AGBL1: variants seen among roughly 807,000 people sequenced by gnomAD.
The protein encoded by AGBL1 is cytosolic carboxypeptidase 4.
A neutral mutation model predicts 118.9 loss-of-function variants in AGBL1; 130 were observed. The observed-to-expected ratio is 1.09, with a 90% CI of 0.95 to 1.26. The LOEUF is 1.26. Ranked by LOEUF, AGBL1 falls within the 50% of genes most tolerant of loss-of-function variation. The probability of loss-of-function intolerance (pLI) is 0.00; values close to 1 mark genes in which losing one functional copy is unlikely to be tolerated. For missense variants in AGBL1, 1,584 were observed against 1,298.1 expected (o/e 1.22, Z -3.38); for synonymous variants, 555 against 478.9 (o/e 1.16, Z -2.08).
Position 86,449,670 on chromosome 15 carries a change from T to C in AGBL1, c.2555+52124T>C, listed in dbSNP as rs190967924. 2.0e-5 allele frequency among the ~76,000 whole-genome samples: 3 copies of C among 152,300 alleles called. No individual in the cohort carries two copies. The East Asian group carries it at 5.8e-4, about 29-fold the overall frequency. On this transcript the variant is annotated intron_variant, in intron 18 of 22. Transcript: ENST00000614907. ...TGTCTGGTACAGTGCTCAGCATATGTCTATTAAGAGTGTGGAGAAGGTAGG... is the reference window on the plus strand; with the variant it reads ...TGTCTGGTACAGTGCTCAGCATATGCCTATTAAGAGTGTGGAGAAGGTAGG...
chr15:86,304,584 A>C (rs1439998812), intron 17 of AGBL1, among the ~76,000 whole-genome samples: 2 of 152,178 alleles, frequency 1.3e-5, no homozygotes, highest in African/African-American at 4.8e-5. Context: ...AGACATGTTT[A>C]TTCAACAAGT....
At chr15:86,237,943 T>C (rs1325555936) in intron 6 of AGBL1, among the ~76,000 whole-genome samples, 1 of 152,206 alleles carries the variant, frequency 6.6e-6, no homozygotes, top group African/African-American at 2.4e-5. Context: ...TTTCATTATT[T>C]GTACTTACCA....
intron 18 of AGBL1, among the ~76,000 whole-genome samples, chr15:86,442,691 TA>T (rs940761697): frequency 1.3e-5 from 2 of 152,058 alleles, no homozygotes; most frequent in African/African-American, 4.8e-5. Flanking sequence ...GAGAGAGAAG[TA>T]AAAAGCCACC....
At chr15:86,980,800 TATG>T (rs1377434692) in intron 23 of AGBL1, among the ~76,000 whole-genome samples, 1 of 152,126 alleles carries the variant, frequency 6.6e-6, no homozygotes, top group Non-Finnish European at 1.5e-5. Flanking sequence ...TAAAACCACT[TATG>T]ATTATATGAA....
chr15:86,986,690 G>T (rs1343151066), intron 23 of AGBL1, among the ~76,000 whole-genome samples: 1 of 152,134 alleles, frequency 6.6e-6, no homozygotes, highest in Non-Finnish European at 1.5e-5. Flanking sequence ...GATGAACATT[G>T]TACATCTCTT....
chr15:86,924,028 G>A (rs1026534257), intron 23 of AGBL1, among the ~76,000 whole-genome samples: 9 of 152,102 alleles, frequency 5.9e-5, no homozygotes, highest in African/African-American at 1.4e-4. Context: ...CCATAAATAC[G>A]TGTCAATTAT....
At chr15:86,968,000 A>C (rs999558822) in intron 23 of AGBL1, among the ~76,000 whole-genome samples, 4 of 152,030 alleles carry the variant, frequency 2.6e-5, no homozygotes, top group African/African-American at 9.6e-5. Context: ...CTTTGATTTC[A>C]TTGAGCAGTG....
chr15:86,890,757 T>C (rs1464822056), intron 22 of AGBL1, among the ~76,000 whole-genome samples: 1 of 152,222 alleles, frequency 6.6e-6, no homozygotes, highest in Non-Finnish European at 1.5e-5. Context: ...TGTGTCTGTT[T>C]TGGTACCAGT....
intron 22 of AGBL1, among the ~76,000 whole-genome samples, chr15:86,776,751 TGTGTGTGTG>T (rs2078261312): frequency 5.1e-5 from 2 of 39,156 alleles, no homozygotes; most frequent in Non-Finnish European, 3.9e-5. Context: ...TATATATATA[TGTGTGTGTG>T]TGTGTGTGTG....
At chr15:86,635,699 A>G (rs1446051461) in intron 21 of AGBL1, among the ~76,000 whole-genome samples, 1 of 152,134 alleles carries the variant, frequency 6.6e-6, no homozygotes, top group Admixed American at 6.5e-5. Context: ...GAAAAAGATT[A>G]CATATTACAA....
intron 1 of AGBL1, chr15:86,116,592 G>A (rs2141563086): frequency 6.6e-6 from 1 of 152,426 alleles, no homozygotes; most frequent in South Asian, 2.1e-4. Flanking sequence ...CTCTCTTCTT[G>A]AGCTGGGACA....
chr15:86,537,291 C>G (rs1046759088), intron 19 of AGBL1, among the ~76,000 whole-genome samples: 4 of 152,228 alleles, frequency 2.6e-5, no homozygotes, highest in Admixed American at 6.5e-5. Flanking sequence ...ACCATCTGCT[C>G]TGATTGGGCT....
chr15:86,959,921 T>A (rs1277080078), intron 23 of AGBL1, among the ~76,000 whole-genome samples: 1 of 152,128 alleles, frequency 6.6e-6, no homozygotes, highest in African/African-American at 2.4e-5. Flanking sequence ...ATTGCTCTGT[T>A]CATTTGTCTT....
intron 18 of AGBL1, among the ~76,000 whole-genome samples, chr15:86,445,897 C>A (rs1380819040): frequency 2.6e-5 from 4 of 152,150 alleles, no homozygotes; most frequent in Non-Finnish European, 5.9e-5. Flanking sequence ...ATGGGAAAGG[C>A]CCTGTTAGCA....
intron 19 of AGBL1, among the ~76,000 whole-genome samples, chr15:86,524,281 T>C (rs1233254998): frequency 6.6e-6 from 1 of 152,178 alleles, no homozygotes; most frequent in Non-Finnish European, 1.5e-5. Context: ...TCCATGACTA[T>C]CCGCAGGCTC....
chr15:86,240,622 G>A (rs1454733640), intron 6 of AGBL1, among the ~76,000 whole-genome samples: 1 of 152,176 alleles, frequency 6.6e-6, no homozygotes, highest in African/African-American at 2.4e-5. Flanking sequence ...TGGAGAGTAA[G>A]TAAGAGTTCA....
intron 22 of AGBL1, among the ~76,000 whole-genome samples, chr15:86,888,883 G>A (rs938369674): frequency 6.6e-6 from 1 of 152,106 alleles, no homozygotes. Flanking sequence ...TGAGCAAAGC[G>A]CTGAATGGCA....
At chr15:86,668,753 A>G (rs951034783) in intron 21 of AGBL1, among the ~76,000 whole-genome samples, 5 of 152,204 alleles carry the variant, frequency 3.3e-5, no homozygotes, top group African/African-American at 1.2e-4. Context: ...ATTTGGGACC[A>G]TCACACAAAG....
intron 17 of AGBL1, among the ~76,000 whole-genome samples, chr15:86,396,381 A>T (rs2081364626): frequency 3.3e-5 from 5 of 151,922 alleles, no homozygotes; most frequent in Admixed American, 3.3e-4. Flanking sequence ...AGGAGGGAAG[A>T]CATTCCTATC....
Sources: allele counts gnomAD v4.1 joint callset (sites outside exome capture counted in the v4.1 genomes callset), GRCh38; gene constraint gnomAD v4.1.1; transcripts MANE v1.5; gene names NCBI Gene and HGNC (gene_info 2026-07-23, HGNC 2026-07-21).